Variants in SLCO1B1 observed in about 807,000 individuals in gnomAD.
SLCO1B1 encodes the protein solute carrier organic anion transporter family member 1B1.
In SLCO1B1, 81 loss-of-function variants were observed where a neutral mutation model predicts 70.1. That is an observed-to-expected ratio of 1.16 (90% confidence interval 0.97 to 1.39). The LOEUF is 1.39. SLCO1B1 is among the 40% of genes most tolerant of loss of function. The pLI is 0.00. For missense variants in SLCO1B1, 895 were observed against 799.6 expected, an observed-to-expected ratio of 1.12 and a Z score of -1.44; for synonymous variants, 283 against 271.5, an observed-to-expected ratio of 1.04 and a Z score of -0.42.
At chr12:21,179,129 A>T in intron 7 of SLCO1B1, 109 bp downstream of exon 7, 1 of 735,660 alleles carries the variant, frequency 1.4e-6, no homozygotes. Context: ...TTTGCTTAAT[A>T]TAATTAGAAA....
chr12:21,150,642 A>C (rs1279948549), intron 2 of SLCO1B1, among the ~76,000 whole-genome samples: 1 of 152,204 alleles, frequency 6.6e-6, no homozygotes, highest in Non-Finnish European at 1.5e-5. Flanking sequence ...AGAAAGGAAT[A>C]GCATCAACAT....
chr12:21,184,147 AAG>A (rs2121117752), intron 7 of SLCO1B1, among the ~76,000 whole-genome samples: 1 of 152,236 alleles, frequency 6.6e-6, no homozygotes, highest in African/African-American at 2.4e-5. Context: ...GAGAGAGAAA[AAG>A]AGAGAGTAAA....
intron 11 of SLCO1B1, among the ~76,000 whole-genome samples, chr12:21,212,806 T>C (rs1268196950): frequency 1.3e-5 from 2 of 150,838 alleles, no homozygotes; most frequent in Non-Finnish European, 3.0e-5. Flanking sequence ...TTGATCCCTT[T>C]ACCATTATGT....
At chr12:21,205,758 CT>C (rs1591819900) in intron 10 of SLCO1B1, 109 bp from the exon 11 acceptor site, 10 of 678,850 alleles carry the variant, frequency 1.5e-5, no homozygotes, top group African/African-American at 5.5e-5. Context: ...TCTTTATCTA[CT>C]TTTTTTCCCT....
intron 2 of SLCO1B1, among the ~76,000 whole-genome samples, chr12:21,146,446 C>T (rs1207933138): frequency 6.6e-6 from 1 of 152,004 alleles, no homozygotes; most frequent in African/African-American, 2.4e-5. Context: ...TAATTGATTT[C>T]AGGTCCAATT....
At chr12:21,191,333 C>G (rs557205235) in intron 7 of SLCO1B1, among the ~76,000 whole-genome samples, 1 of 151,920 alleles carries the variant, frequency 6.6e-6, no homozygotes, top group Non-Finnish European at 1.5e-5. Context: ...ATTTCATGCA[C>G]AAGTCTTTCA....
chr12:21,180,418 A>C (rs780611399), intron 7 of SLCO1B1, among the ~76,000 whole-genome samples: 2 of 152,162 alleles, frequency 1.3e-5, no homozygotes, highest in Non-Finnish European at 2.9e-5. Flanking sequence ...GCATGCCTTT[A>C]TTGTAACCCT....
chr12:21,202,807 T>G, intron 10 of SLCO1B1, 121 bp downstream of exon 10: 1 of 824,236 alleles, frequency 1.2e-6, no homozygotes, highest in Non-Finnish European at 1.9e-6. Context: ...AAGAGAAATT[T>G]CAATTTTAAA....
intron 11 of SLCO1B1, among the ~76,000 whole-genome samples, chr12:21,207,140 A>G (rs1430526052): frequency 6.6e-6 from 1 of 151,944 alleles, no homozygotes; most frequent in African/African-American, 2.4e-5. Context: ...TAAAAAAATA[A>G]TTTAACTCTT....
chr12:21,202,210 G>C (rs777328548), intron 9 of SLCO1B1, among the ~76,000 whole-genome samples: 1 of 152,108 alleles, frequency 6.6e-6, no homozygotes, highest in Non-Finnish European at 1.5e-5. Flanking sequence ...GGACTGTTGA[G>C]GGGTGGGAAG....
rs374113543 is a variant in SLCO1B1 at position 21,179,006 on chromosome 12, G to C, written c.713G>C (p.Gly238Ala). The change falls in exon 7 of 15, where the codon GGA becomes GCA. Residue 238 changes from glycine (G) to alanine (A), a missense_variant. Gly to Ala is a moderately conservative substitution (Grantham distance 60). Transcript: ENST00000256958. ...TTTTCTAAAATGTACGTGGATATTGGATATGTAGATCTAAGTAAGTACAAC... is the reference window on the plus strand; with the variant it reads ...TTTTCTAAAATGTACGTGGATATTGCATATGTAGATCTAAGTAAGTACAAC... The part of the protein sequence containing the change: ...SLFSKMYVDI[G>A]YVDLSTIRIT... 6.2e-7 allele frequency: 1 copy of C among 1,602,540 alleles called. No individual in the cohort carries two copies. Among genetic ancestry groups the C allele is most frequent in the East Asian group, 2.2e-5 (1 of 44,704 alleles).
intron 1 of SLCO1B1, among the ~76,000 whole-genome samples, chr12:21,132,035 G>A (rs1395923528): frequency 1.3e-5 from 2 of 151,888 alleles, no homozygotes; most frequent in African/African-American, 4.8e-5. Context: ...CCTTTCCTGT[G>A]TCCATGTGTT....
intron 2 of SLCO1B1, among the ~76,000 whole-genome samples, chr12:21,158,418 T>C (rs1300063179): frequency 6.6e-6 from 1 of 152,228 alleles, no homozygotes; most frequent in East Asian, 1.9e-4. Context: ...CACATTAGGC[T>C]AGGTGCGTGG....
chr12:21,147,352 A>G (rs1940401611), intron 2 of SLCO1B1, among the ~76,000 whole-genome samples: 1 of 152,176 alleles, frequency 6.6e-6, no homozygotes, highest in Non-Finnish European at 1.5e-5. Flanking sequence ...TTTGTTACAT[A>G]GGTAAACACA....
chr12:21,208,237 G>T (rs1047197847), intron 11 of SLCO1B1, among the ~76,000 whole-genome samples: 1 of 151,720 alleles, frequency 6.6e-6, no homozygotes, highest in African/African-American at 2.4e-5. Flanking sequence ...ATCTTTTCTT[G>T]GTTTTCTTCA....
chr12:21,135,505 A>G lies in SLCO1B1; in HGVS notation c.-62+4269A>G, dbSNP rs547397238. On this transcript the variant is annotated intron_variant, in intron 1 of 14. Coordinates refer to ENST00000256958, the MANE Select transcript of SLCO1B1 (RefSeq NM_006446.5). ...TAGGTCACTAAGGACTTGCTTTATG[A>G]ATCTGGGTGCTCCTGTATTGGGTGC... 2.2e-3 allele frequency among the ~76,000 whole-genome samples: 341 copies of G among 152,146 alleles called. 3 individuals are homozygous for G. Among genetic ancestry groups the G allele is most frequent in the Non-Finnish European group, 4.1e-3 (276 of 68,034 alleles).
At chr12:21,219,048 T>A (rs148150617) in intron 12 of SLCO1B1, among the ~76,000 whole-genome samples, 6 of 152,276 alleles carry the variant, frequency 3.9e-5, no homozygotes, top group African/African-American at 1.2e-4. Flanking sequence ...GATGCAACTG[T>A]GAACAAAAGT....
Position 21,134,164 on chromosome 12 carries a change from T to G in SLCO1B1, c.-62+2928T>G, listed in dbSNP as rs545509167. ...TGATTTGCGTATGTTGAACCAGCCT[T>G]GCATCCCAGGGATGAATCCCACTTG... is the stretch of plus-strand genomic sequence containing the variant. On this transcript the variant is annotated intron_variant, in intron 1 of 14. Coordinates refer to ENST00000256958, the MANE Select transcript of SLCO1B1 (RefSeq NM_006446.5). Among the ~76,000 whole-genome samples the G allele has an allele frequency of 3.3e-5, 5 of 152,372 alleles. No homozygotes were observed. The East Asian group carries it at 9.6e-4, about 29-fold the overall frequency.
intron 2 of SLCO1B1, among the ~76,000 whole-genome samples, chr12:21,172,275 G>A (rs908882618): frequency 2.0e-5 from 3 of 152,078 alleles, no homozygotes; most frequent in African/African-American, 7.2e-5. Context: ...AGAATGTACT[G>A]CCACTCCCCT....
Sources: allele counts gnomAD v4.1 joint callset (sites outside exome capture counted in the v4.1 genomes callset), GRCh38; gene constraint gnomAD v4.1.1; transcripts MANE v1.5; gene names NCBI Gene and HGNC (gene_info 2026-07-23, HGNC 2026-07-21).